The following TMEM175 variants were observed in gnomAD, a reference collection of about 807,000 sequenced individuals.
The protein encoded by TMEM175 is transmembrane protein 175.
Under a neutral mutation model 36.5 loss-of-function variants are expected in TMEM175, and 36 were observed. The observed-to-expected ratio is 0.99, with a 90% CI of 0.76 to 1.30. The LOEUF (loss-of-function observed/expected upper bound fraction) is 1.30. TMEM175 is among the 50% of genes most tolerant of loss of function. TMEM175 has a pLI of 0.00. For missense variants in TMEM175, 705 were observed against 692.8 expected, an observed-to-expected ratio of 1.02 and a Z score of -0.20; for synonymous variants, 339 against 313.4, an observed-to-expected ratio of 1.08 and a Z score of -0.86.
chr4:937,064 T>G (rs1560470051), intron 1 of TMEM175, among the ~76,000 whole-genome samples: 1 of 152,178 alleles, frequency 6.6e-6, no homozygotes, highest in Admixed American at 6.5e-5. Flanking sequence ...CTTTTTTTTT[T>G]GAGGGGATGG....
intron 10 of TMEM175, among the ~76,000 whole-genome samples, chr4:957,175 CT>C (rs1443221226): frequency 1.3e-5 from 2 of 152,230 alleles, no homozygotes; most frequent in African/African-American, 4.8e-5. Context: ...ACCCCCACCC[CT>C]CACCCCTCGC....
chr4:951,712 T>C lies in TMEM175; in HGVS notation c.373T>C (p.Tyr125His), dbSNP rs764024827. The C allele has an allele frequency of 4.3e-6, 7 of 1,614,012 alleles. No homozygotes were observed. Among genetic ancestry groups the C allele is most frequent in the East Asian group, 2.2e-5 (1 of 44,892 alleles). ...ACMMTITFLP[Y>H]TFSLMVTFPD... ...CATGATGACCATCACCTTCCTGCCT[T>C]ACACGGTGAGCAACACCAGGCCCCT... Residue 125 changes from tyrosine (Y) to histidine (H), a missense_variant, in exon 6 of 11, where the codon TAC (tyrosine) becomes CAC (histidine). Transcript: ENST00000264771.
At chr4:948,238 C>T (rs1728436360) in intron 3 of TMEM175, 84 bp downstream of exon 3, 5 of 1,611,154 alleles carry the variant, frequency 3.1e-6, no homozygotes, top group Non-Finnish European at 4.2e-6. Flanking sequence ...AGGGTGCTGA[C>T]CCTGCACGCC....
chr4:950,378 C>G (rs760106325), intron 3 of TMEM175, 43 bp from the exon 4 acceptor site: 10 of 1,485,144 alleles, frequency 6.7e-6, no homozygotes, highest in Non-Finnish European at 9.4e-6. Flanking sequence ...TTCAGGGACA[C>G]TCATGTCACC....
chr4:932,489 G>T lies in TMEM175; in HGVS notation c.-83G>T, dbSNP rs935428487. On this transcript the variant is annotated 5_prime_UTR_variant, in exon 1 of 11. Transcript: ENST00000264771. This position sits in a 1 kb window ranked among gnomAD's most constrained non-coding sequence, Gnocchi z 4.0. ...TTCCGGCTGTCAAGCTCCCGGCCGGGCTGACTCAAGCGGAGGCGCGCGGAA... is the reference window on the plus strand; with the variant it reads ...TTCCGGCTGTCAAGCTCCCGGCCGGTCTGACTCAAGCGGAGGCGCGCGGAA... 1 of 479,140 alleles carries T rather than the reference G, an allele frequency of 2.1e-6. No homozygotes were observed. Among genetic ancestry groups the T allele is most frequent in the East Asian group, 3.6e-5 (1 of 28,052 alleles). The allele number at this position is 479,140 out of a possible 1,614,324, so 29.7% of individuals were successfully genotyped here. A position where few individuals can be genotyped will look rare whatever the true frequency, so the allele number is the denominator to read the frequency against.
intron 10 of TMEM175, chr4:956,232 C>T (rs930941944): frequency 9.1e-6 from 10 of 1,104,162 alleles, no homozygotes; most frequent in African/African-American, 1.6e-5. Context: ...CCAGGCCTCA[C>T]CCCTGCCCCA....
chr4:956,541 C>A (rs1052394705), intron 10 of TMEM175: 1 of 1,087,442 alleles, frequency 9.2e-7, no homozygotes, highest in African/African-American at 1.7e-5. Flanking sequence ...CTCCCAGGTT[C>A]AAGCAATTCT....
At chr4:957,480 C>T (rs1729840840) in intron 10 of TMEM175, among the ~76,000 whole-genome samples, 1 of 152,188 alleles carries the variant, frequency 6.6e-6, no homozygotes. Flanking sequence ...ACCTCGCTGC[C>T]CCACAGCAGG....
At chr4:943,542 G>A (rs980578155) in intron 1 of TMEM175, among the ~76,000 whole-genome samples, 8 of 152,116 alleles carry the variant, frequency 5.3e-5, no homozygotes, top group Admixed American at 2.0e-4. Context: ...ATGAGCCACC[G>A]CGCCCAGCTA....
intron 1 of TMEM175, among the ~76,000 whole-genome samples, chr4:943,002 G>A (rs1727714452): frequency 6.6e-6 from 1 of 152,076 alleles, no homozygotes; most frequent in African/African-American, 2.4e-5. Context: ...GCCACAGACT[G>A]CAAGAAAATA....
At chr4:934,528 T>C (rs888712865) in intron 1 of TMEM175, among the ~76,000 whole-genome samples, 3 of 152,200 alleles carry the variant, frequency 2.0e-5, no homozygotes, top group Non-Finnish European at 4.4e-5. Flanking sequence ...AAGCTACATA[T>C]TACCGTAGAG....
chr4:936,893 G>T (rs1298146829), intron 1 of TMEM175, among the ~76,000 whole-genome samples: 2 of 151,936 alleles, frequency 1.3e-5, no homozygotes, highest in East Asian at 3.9e-4. Flanking sequence ...AGAGTCGGAG[G>T]TTGCAGTGAG....
chr4:948,154 G>C lies in TMEM175; in HGVS notation c.192G>C (p.Gln64His), dbSNP rs201530789. 1.9e-6 allele frequency: 3 copies of C among 1,614,060 alleles called. No homozygotes were observed. The Admixed American group carries it at 5.0e-5, about 27-fold the overall frequency. ...CCCACACGGAGATCTCCCCAGAACA[G>C]GTAACGGGGCAGGCTGTGCTCTGCG... The part of the protein sequence containing the change: ...PVTHTEISPE[Q>H]QFDRSVQRLL... The change falls in exon 3 of 11, where the codon CAG (glutamine) becomes CAC (histidine). Residue 64 changes from glutamine to histidine, a missense_variant and splice_region_variant. Physicochemically the swap from Gln to His is conservative, Grantham distance 24. Coordinates refer to ENST00000264771, the MANE Select transcript of TMEM175 (RefSeq NM_032326.4).
rs780014626 is a variant in TMEM175 at position 947,841 on chromosome 4, A to G, written c.102A>G (p.Gln34=). 6.2e-7 allele frequency: 1 copy of G among 1,613,416 alleles called. No individual in the cohort carries two copies. The highest frequency in any genetic ancestry group is 8.5e-7 in the Non-Finnish European group (1 of 1,179,978). Residue 34 remains glutamine, a synonymous_variant, in exon 2 of 11, where the codon CAA becomes CAG. Transcript: ENST00000264771. ...CTGGGGAGGGGATCCAGTGCTCCCA[A>G]CGCATGCTCAGCTTCAGTGACGCCC... The part of the protein sequence containing the change: ...EDAGEGIQCS[Q]RMLSFSDALL...
intron 5 of TMEM175, 144 bp from the exon 6 acceptor site, chr4:951,538 A>C: frequency 9.4e-7 from 1 of 1,068,324 alleles, no homozygotes; most frequent in South Asian, 1.4e-5. Context: ...CTGGCCCTGC[A>C]GGGTCTGGGG....
intron 1 of TMEM175, among the ~76,000 whole-genome samples, chr4:944,148 C>G (rs1478502834): frequency 2.0e-5 from 3 of 152,162 alleles, no homozygotes; most frequent in African/African-American, 7.2e-5. Context: ...CAAAAATTAG[C>G]CAGGCATGGT....
At chr4:952,867 G>A (rs1404204976) in intron 7 of TMEM175, among the ~76,000 whole-genome samples, 1 of 151,998 alleles carries the variant, frequency 6.6e-6, no homozygotes, top group African/African-American at 2.4e-5. Flanking sequence ...GATGTGGCAT[G>A]CCCAGAGTCC....
chr4:947,391 G>T (rs1728320145), intron 1 of TMEM175, among the ~76,000 whole-genome samples: 1 of 152,216 alleles, frequency 6.6e-6, no homozygotes. Context: ...TCCACGTTTA[G>T]GTCGGCCTTG....
rs1039436927 is a variant in TMEM175 at position 947,850 on chromosome 4, C to T, written c.111C>T (p.Leu37=). The T allele has an allele frequency of 1.2e-6, 2 of 1,613,570 alleles. No individual in the cohort carries two copies. The highest frequency in any genetic ancestry group is 3.3e-5 in the Admixed American group (2 of 60,028). Residue 37 remains leucine (L), a synonymous_variant, in exon 2 of 11, where the codon CTC becomes CTT. Transcript: ENST00000264771. ...GEGIQCSQRM[L]SFSDALLSII... ...GGATCCAGTGCTCCCAACGCATGCT[C>T]AGCTTCAGTGACGCCCTGCTGTCCA...
Sources: gnomAD v4.1 joint callset for allele counts (sites outside exome capture counted in the v4.1 genomes callset) on GRCh38, gnomAD v4.1.1 for gene constraint, Gnocchi (gnomAD v3.1) non-coding constraint, MANE v1.5 for transcripts, NCBI Gene and HGNC (gene_info 2026-07-23, HGNC 2026-07-21) for gene names.